Variants in RNF41 observed in about 807,000 individuals in gnomAD.
The protein encoded by RNF41 is ring finger protein 41.
Under a neutral mutation model 33.0 loss-of-function variants are expected in RNF41, and 4 were observed. That is an observed-to-expected ratio of 0.12 (90% CI 0.06 to 0.28). RNF41 has a LOEUF of 0.28. Among genes scored for constraint, RNF41 ranks in the 10% least tolerant of loss-of-function variants. The pLI is 1.00. For missense variants in RNF41, 228 were observed against 432.6 expected, an observed-to-expected ratio of 0.53 and a Z score of 4.19; for synonymous variants, 164 against 153.2, an observed-to-expected ratio of 1.07 and a Z score of -0.52.
chr12:56,215,002 G>A (rs1868765823), intron 2 of RNF41, among the ~76,000 whole-genome samples: 1 of 152,170 alleles, frequency 6.6e-6, no homozygotes. Context: ...AGTTTTCCAG[G>A]ACTGGGCGTC....
Position 56,204,694 on chromosome 12 carries a change from G to A in RNF41, c.*1753C>T, listed in dbSNP as rs1178835854. 1 of 152,656 alleles carries A rather than the reference G, an allele frequency of 6.6e-6. No homozygotes were observed. The allele number at this position is 152,656 out of a possible 1,614,324, so 9.5% of individuals were successfully genotyped here. A position where few individuals can be genotyped will look rare whatever the true frequency, so the allele number is the denominator to read the frequency against. On this transcript the variant is annotated 3_prime_UTR_variant, in exon 7 of 7. Coordinates refer to ENST00000345093, the MANE Select transcript of RNF41 (RefSeq NM_005785.4). ...TAAGGCAGGTAGGGGAAAGGGGAGT[G>A]GAAGAAATGTAGTAACCAGAGTAAG...
At chr12:56,207,869 G>A (rs1405016373) in intron 5 of RNF41, 120 bp from the exon 6 acceptor site, 1 of 843,488 alleles carries the variant, frequency 1.2e-6, no homozygotes, top group Non-Finnish European at 2.0e-6. Flanking sequence ...GTAAGCTTCA[G>A]GAAGACAGGG....
rs183683449 is a variant in RNF41 at position 56,214,147 on chromosome 12, G to C, written c.-23-77C>G. ...GTGACAAACATACACTCATTGCCAA[G>C]ATCCATTCATTTATCCAACAAATAT... On this transcript the variant is annotated intron_variant, in intron 2 of 6. Coordinates refer to ENST00000345093, the MANE Select transcript of RNF41 (RefSeq NM_005785.4). 7.0e-4 allele frequency: 549 copies of C among 787,510 alleles called. 5 individuals carry two copies. The African/African-American group carries it at 8.6e-3, about 12-fold the overall frequency. 48.8% of individuals were successfully genotyped at this position (787,510 alleles called of 1,614,324 possible). A position where few individuals can be genotyped will look rare whatever the true frequency, so the allele number is the denominator to read the frequency against.
chr12:56,205,481 TTCTTA>T lies in RNF41; in HGVS notation c.*961_*965del, dbSNP rs1471872743. 1 of 36,366 alleles carries T rather than the reference TTCTTA, an allele frequency of 2.7e-5. No homozygotes were observed. Among genetic ancestry groups the T allele is most frequent in the Non-Finnish European group, 5.7e-5 (1 of 17,524 alleles). The allele number at this position is 36,366 out of a possible 1,614,324, so 2.3% of individuals were successfully genotyped here. On this transcript the variant is annotated 3_prime_UTR_variant, in exon 7 of 7. Transcript: ENST00000345093. Reference sequence around the variant, plus strand: ...GTTTGATTTTTTTTTCTTTTTTCCTTTCTTAAAAAAAAAAAAAGGAAGTAAATAAA... The same window carrying T: ...GTTTGATTTTTTTTTCTTTTTTCCTTAAAAAAAAAAAAGGAAGTAAATAAA...
At position 56,202,664 on chromosome 12, in the gene RNF41, C is replaced by G. The variant is rs2135793460; in HGVS notation, c.*3783G>C. Reference sequence around the variant, plus strand: ...GAATCAGGAGCTTTATCGTCCTTGGCTCACATATTACTAGTAAATCCACTT... The same window carrying G: ...GAATCAGGAGCTTTATCGTCCTTGGGTCACATATTACTAGTAAATCCACTT... On this transcript the variant is annotated 3_prime_UTR_variant, in exon 7 of 7. Transcript: ENST00000345093. 6.6e-6 allele frequency: 1 copy of G among 152,312 alleles called. No individual in the cohort carries two copies. The allele number at this position is 152,312 out of a possible 1,614,324, so 9.4% of individuals were successfully genotyped here.
Position 56,207,297 on chromosome 12 carries a change from G to A in RNF41, c.602+349C>T, listed in dbSNP as rs1258960269. ...ACTTGCACTCTGCCTCCTCTTCTCT[G>A]GGTTGTAAGCTACCTGAAGACAGGA... On this transcript the variant is annotated intron_variant, in intron 6 of 6. Coordinates refer to ENST00000345093, the MANE Select transcript of RNF41 (RefSeq NM_005785.4). 7.4e-6 allele frequency: 10 copies of A among 1,344,338 alleles called. No individual in the cohort carries two copies. In the African/African-American group the frequency reaches 1.5e-4, roughly 20 times the overall value. The allele number at this position is 1,344,338 out of a possible 1,614,324, so 83.3% of individuals were successfully genotyped here.
chr12:56,220,056 A>AATAAATAT (rs1178458169), intron 1 of RNF41, among the ~76,000 whole-genome samples: 1 of 148,782 alleles, frequency 6.7e-6, no homozygotes, highest in South Asian at 2.1e-4. Flanking sequence ...TAAATAAATA[A>AATAAATAT]ATATGAAAGG....
In RNF41 at chr12:56,206,521, G is replaced by T. The variant is rs747157809; in HGVS notation, c.880C>A (p.Gln294Lys). Reference sequence around the variant, plus strand: ...TGCACCATGTCATCCCCCATGTGCTGGTTCTCACAGGCCATCACGACAACA... The same window carrying T: ...TGCACCATGTCATCCCCCATGTGCTTGTTCTCACAGGCCATCACGACAACA... Reference protein sequence around the residue: ...QAVVVMACENQHMGDDMVQEP... With the variant: ...QAVVVMACENKHMGDDMVQEP... Residue 294 changes from glutamine to lysine, a missense_variant, in exon 7 of 7, where the codon CAG (glutamine) becomes AAG (lysine). Gln to Lys is a moderately conservative substitution (Grantham distance 53). Transcript: ENST00000345093. This position sits in a 1 kb window ranked among gnomAD's most constrained non-coding sequence, Gnocchi z 5.7. 2 of 1,614,200 alleles carry T rather than the reference G, an allele frequency of 1.2e-6. No individual in the cohort carries two copies. The highest frequency in any genetic ancestry group is 1.7e-6 in the Non-Finnish European group (2 of 1,180,044).
chr12:56,208,703 T>A (rs939260575), intron 4 of RNF41, among the ~76,000 whole-genome samples: 10 of 152,034 alleles, frequency 6.6e-5, no homozygotes, highest in Admixed American at 6.6e-4. Context: ...TAGCTGGGAT[T>A]ACAGGTGCGC....
At position 56,206,933 on chromosome 12, in the gene RNF41, C is replaced by T; in HGVS notation, c.603-135G>A. 1.1e-6 allele frequency: 1 copy of T among 931,878 alleles called. No individual in the cohort carries two copies. Among genetic ancestry groups the T allele is most frequent in the Admixed American group, 2.9e-5 (1 of 34,212 alleles). 57.7% of individuals were successfully genotyped at this position (931,878 alleles called of 1,614,324 possible). A position where few individuals can be genotyped will look rare whatever the true frequency, so the allele number is the denominator to read the frequency against. On this transcript the variant is annotated intron_variant, in intron 6 of 6. Transcript: ENST00000345093. The surrounding 1 kb of genome is among the most constrained non-coding windows in gnomAD (Gnocchi z 5.7). ...TCCTTCTTTCCTTCCATCATTGGCT[C>T]AGAAACCCCAAATCTTTCCCCACTT...
chr12:56,211,525 G>GTCCAGAGGAGGGT (rs2135805985), intron 3 of RNF41, among the ~76,000 whole-genome samples: 1 of 151,944 alleles, frequency 6.6e-6, no homozygotes, highest in African/African-American at 2.4e-5. Context: ...CACAATAATT[G>GTCCAGAGGAGGGT]CCAAAAATGT....
intron 1 of RNF41, among the ~76,000 whole-genome samples, chr12:56,220,375 C>A (rs1476108122): frequency 6.6e-6 from 1 of 151,792 alleles, no homozygotes; most frequent in Non-Finnish European, 1.5e-5. Context: ...CAGCCATGCC[C>A]CGGCTAATTT....
chr12:56,218,398 G>A (rs1333434664), intron 1 of RNF41, among the ~76,000 whole-genome samples: 8 of 151,320 alleles, frequency 5.3e-5, no homozygotes, highest in Non-Finnish European at 1.0e-4. Context: ...AAATAGCTGG[G>A]ACCACAGGCA....
chr12:56,217,012 C>T (rs1565945715), intron 1 of RNF41, among the ~76,000 whole-genome samples: 2 of 151,816 alleles, frequency 1.3e-5, no homozygotes, highest in African/African-American at 4.8e-5. Context: ...AGGTGGCAGG[C>T]GCCTGTAGTC....
rs778541493 is a variant in RNF41, at chr12:56,210,404, G to C, written c.255C>G (p.Asn85Lys). 6.2e-7 allele frequency: 1 copy of C among 1,614,120 alleles called. No homozygotes were observed. Among genetic ancestry groups the C allele is most frequent in the Non-Finnish European group, 8.5e-7 (1 of 1,180,048 alleles). Reference sequence around the variant, plus strand: ...CAACGGCACTACAGCCGAACACAGCGTTGTCACAGGCAATCTGCAGCTTTG... The same window carrying C: ...CAACGGCACTACAGCCGAACACAGCCTTGTCACAGGCAATCTGCAGCTTTG... ...MLSKLQIACDNAVFGCSAVVR... is the reference protein window; with the variant it reads ...MLSKLQIACDKAVFGCSAVVR... Residue 85 changes from asparagine (N) to lysine (K), a missense_variant, in exon 4 of 7, where the codon AAC becomes AAG. Physicochemically the swap from Asn to Lys is moderately conservative, Grantham distance 94. Around this residue, in one of 2 missense-constraint regions of RNF41, gnomAD observed 199 missense variants for 334.6 expected, o/e 0.59. Coordinates refer to ENST00000345093, the MANE Select transcript of RNF41 (RefSeq NM_005785.4).
rs763877111 is a variant in RNF41 at position 56,206,435 on chromosome 12, AGTC to A, written c.*9_*11del. The A allele has an allele frequency of 1.4e-5, 22 of 1,589,682 alleles. No individual in the cohort carries two copies. In the African/African-American group the frequency reaches 3.0e-4, roughly 21 times the overall value. ...TGATTTCCATCTCTTCCTGATAGCC[AGTC>A]GAGTTCTCTTATATCTCTTCCACGC... On this transcript the variant is annotated 3_prime_UTR_variant, in exon 7 of 7. Transcript: ENST00000345093. This position sits in a 1 kb window ranked among gnomAD's most constrained non-coding sequence, Gnocchi z 5.7.
In RNF41 at chr12:56,202,523, C is replaced by A. The variant is rs1208269337; in HGVS notation, c.*3924G>T. 1 of 152,178 alleles carries A rather than the reference C, an allele frequency of 6.6e-6. No individual in the cohort carries two copies. The highest frequency in any genetic ancestry group is 1.5e-5 in the Non-Finnish European group (1 of 68,028). 9.4% of individuals were successfully genotyped at this position (152,178 alleles called of 1,614,324 possible). A position where few individuals can be genotyped will look rare whatever the true frequency, so the allele number is the denominator to read the frequency against. ...ACAATATATAAACAAGTGGGCATAACTGTATTCCAATAAAGTTTTTTACAA... is the reference window on the plus strand; with the variant it reads ...ACAATATATAAACAAGTGGGCATAAATGTATTCCAATAAAGTTTTTTACAA... On this transcript the variant is annotated 3_prime_UTR_variant, in exon 7 of 7. Transcript: ENST00000345093.
intron 6 of RNF41, chr12:56,207,371 ATACAGGGCTTTG>A (rs1868290321): frequency 2.0e-6 from 2 of 999,268 alleles, no homozygotes; most frequent in Non-Finnish European, 1.5e-6. Flanking sequence ...ACAGCCTTTA[ATACAGGGCTTTG>A]TACATGGGTA....
At chr12:56,220,896 A>C (rs79269008) in intron 1 of RNF41, among the ~76,000 whole-genome samples, 1 of 151,958 alleles carries the variant, frequency 6.6e-6, no homozygotes, top group South Asian at 2.1e-4. Flanking sequence ...AGTCCACTAC[A>C]TTCTTATTTG....
Sources: gnomAD v4.1 joint callset for allele counts (sites outside exome capture counted in the v4.1 genomes callset) on GRCh38, gnomAD v4.1.1 for gene constraint, gnomAD v4.1.1 regional missense constraint, Gnocchi (gnomAD v3.1) non-coding constraint, MANE v1.5 for transcripts, NCBI Gene and HGNC (gene_info 2026-07-23, HGNC 2026-07-21) for gene names.